Variants in SPSB4 observed in about 807,000 individuals in gnomAD.
The protein encoded by SPSB4 is SPRY domain-containing SOCS box protein 4.
In SPSB4, 21 loss-of-function variants were observed where a neutral mutation model predicts 20.9. The ratio of observed to expected loss-of-function variants is 1.01; its 90% CI spans 0.71 to 1.45. The LOEUF (loss-of-function observed/expected upper bound fraction) is 1.45, where lower values mean the gene tolerates loss of function less well. SPSB4 is among the 40% of genes most tolerant of loss of function. The pLI is 0.00. For synonymous variants in SPSB4, 207 were observed against 183.8 expected (o/e 1.13, Z -1.02); for missense variants, 399 against 399.2 (o/e 1.00, Z 0.00).
intron 2 of SPSB4, among the ~76,000 whole-genome samples, chr3:141,081,438 G>A (rs574096315): frequency 6.6e-6 from 1 of 152,350 alleles, no homozygotes; most frequent in South Asian, 2.1e-4. Context: ...GGTCAGCAGA[G>A]TGGCTCCAGG....
intron 2 of SPSB4, among the ~76,000 whole-genome samples, chr3:141,087,950 G>A (rs961519875): frequency 7.2e-5 from 11 of 152,322 alleles, no homozygotes; most frequent in African/African-American, 2.6e-4. Flanking sequence ...CAGTGAGCAG[G>A]AAAATGGAAG....
chr3:141,081,575 G>T (rs527476473), intron 2 of SPSB4, among the ~76,000 whole-genome samples: 1 of 152,180 alleles, frequency 6.6e-6, no homozygotes, highest in East Asian at 1.9e-4. Flanking sequence ...GGTGGTGGGG[G>T]GTAGCCACTG....
intron 2 of SPSB4, among the ~76,000 whole-genome samples, chr3:141,099,223 C>T (rs960247340): frequency 2.7e-4 from 40 of 146,672 alleles, no homozygotes; most frequent in Admixed American, 8.2e-4. Context: ...TTCGCTCTGT[C>T]GCCCAGGCTG....
intron 1 of SPSB4, among the ~76,000 whole-genome samples, chr3:141,057,490 T>C (rs1937669885): frequency 6.6e-6 from 1 of 152,252 alleles, no homozygotes; most frequent in African/African-American, 2.4e-5. Context: ...ATTGCTTTTC[T>C]TCATTTGTTC....
chr3:141,135,502 C>G (rs1282720656), intron 2 of SPSB4, among the ~76,000 whole-genome samples: 2 of 150,962 alleles, frequency 1.3e-5, no homozygotes, highest in Non-Finnish European at 2.9e-5. Flanking sequence ...CTCCCCCCAC[C>G]CCACACCAGT....
At chr3:141,141,620 G>T (rs1200825590) in intron 2 of SPSB4, among the ~76,000 whole-genome samples, 9 of 152,216 alleles carry the variant, frequency 5.9e-5, no homozygotes, top group Admixed American at 1.3e-4. Context: ...GGAAAGATTA[G>T]TACCAATTCT....
chr3:141,135,840 T>C (rs1576543031), intron 2 of SPSB4, among the ~76,000 whole-genome samples: 1 of 152,192 alleles, frequency 6.6e-6, no homozygotes, highest in African/African-American at 2.4e-5. Flanking sequence ...TGATTTATAA[T>C]CCTTTGGGTA....
intron 1 of SPSB4, among the ~76,000 whole-genome samples, chr3:141,064,770 G>T (rs1937832247): frequency 2.6e-5 from 4 of 152,196 alleles, no homozygotes; most frequent in Admixed American, 2.6e-4. Flanking sequence ...GACAGGGCTT[G>T]GCTCTCCATC....
intron 2 of SPSB4, among the ~76,000 whole-genome samples, chr3:141,138,721 C>A (rs1258565625): frequency 6.6e-6 from 1 of 152,082 alleles, no homozygotes; most frequent in African/African-American, 2.4e-5. Flanking sequence ...AATTTCTGTT[C>A]TTTTACATTT....
Position 141,142,803 on chromosome 3 carries a change from C to CTTTTTTTTT in SPSB4, c.695-4316_695-4308dup, listed in dbSNP as rs57674247. Among the ~76,000 whole-genome samples the CTTTTTTTTT allele has an allele frequency of 6.7e-3, 414 of 62,048 alleles. 54 individuals are homozygous for CTTTTTTTTT. Among genetic ancestry groups the CTTTTTTTTT allele is most frequent in the Middle Eastern group, 0.016 (1 of 64 alleles). The allele number at this position is 62,048 out of a possible 152,430, so 40.7% of individuals were successfully genotyped here. A position where few individuals can be genotyped will look rare whatever the true frequency, so the allele number is the denominator to read the frequency against. Reference sequence around the variant, plus strand: ...ATTATGATATAATGTCCCTCTTTGTCTTTTTTTTTTTTTTTTTTTTTTTTT... The same window carrying CTTTTTTTTT: ...ATTATGATATAATGTCCCTCTTTGTCTTTTTTTTTTTTTTTTTTTTTTTTTTTTTTTTTT... On this transcript the variant is annotated intron_variant, in intron 2 of 2. Transcript: ENST00000310546.
intron 1 of SPSB4, among the ~76,000 whole-genome samples, chr3:141,057,378 A>C (rs957763188): frequency 6.6e-6 from 1 of 152,232 alleles, no homozygotes; most frequent in African/African-American, 2.4e-5. Flanking sequence ...CTTTGCACAG[A>C]GTCAAAAATT....
At chr3:141,094,298 G>C in intron 2 of SPSB4, among the ~76,000 whole-genome samples, 1 of 152,230 alleles carries the variant, frequency 6.6e-6, no homozygotes, top group Admixed American at 6.5e-5. Flanking sequence ...CCGGCTCAGA[G>C]CAGGTGCATG....
At chr3:141,139,403 G>A (rs1345478177) in intron 2 of SPSB4, among the ~76,000 whole-genome samples, 8 of 152,120 alleles carry the variant, frequency 5.3e-5, no homozygotes, top group Non-Finnish European at 7.3e-5. Context: ...TATTTTGCTC[G>A]TTAGTTGATG....
intron 2 of SPSB4, among the ~76,000 whole-genome samples, chr3:141,070,467 G>A (rs1937979494): frequency 6.6e-6 from 1 of 151,898 alleles, no homozygotes; most frequent in Non-Finnish European, 1.5e-5. Context: ...AGTAGCTGGG[G>A]CTACAAGGAT....
Position 141,147,198 on chromosome 3 carries a change from C to T in SPSB4, c.751C>T (p.Arg251Cys), listed in dbSNP as rs200129730. 70 of 1,614,200 alleles carry T rather than the reference C, an allele frequency of 4.3e-5. No homozygotes were observed. The East Asian group carries it at 7.8e-4, about 18-fold the overall frequency. ...CRRSIRSALG[R>C]QRLQDISSLP... ...GAGATCCATCCGCTCGGCCCTGGGC[C>T]GCCAGCGCCTGCAGGACATCAGCTC... The change falls in exon 3 of 3, where the codon CGC becomes TGC. Residue 251 changes from arginine (R) to cysteine (C), a missense_variant. Physicochemically the swap from Arg to Cys is radical, Grantham distance 180. Coordinates refer to ENST00000310546, the MANE Select transcript of SPSB4 (RefSeq NM_080862.3).
At chr3:141,095,488 G>A (rs1482886282) in intron 2 of SPSB4, among the ~76,000 whole-genome samples, 1 of 152,054 alleles carries the variant, frequency 6.6e-6, no homozygotes, top group East Asian at 1.9e-4. Context: ...CTGGGACTTG[G>A]TGTTGTCAAA....
At chr3:141,070,122 G>T (rs1447274665) in intron 2 of SPSB4, among the ~76,000 whole-genome samples, 1 of 152,078 alleles carries the variant, frequency 6.6e-6, no homozygotes, top group African/African-American at 2.4e-5. Flanking sequence ...ACGCACAGGG[G>T]CCCTGCCATC....
intron 2 of SPSB4, among the ~76,000 whole-genome samples, chr3:141,129,509 T>C (rs1043706436): frequency 6.6e-6 from 1 of 152,246 alleles, no homozygotes; most frequent in Admixed American, 6.5e-5. Flanking sequence ...CTGCTTCCTG[T>C]CTTCCTGGAA....
intron 2 of SPSB4, among the ~76,000 whole-genome samples, chr3:141,106,717 G>A (rs1440740426): frequency 6.6e-6 from 1 of 152,184 alleles, no homozygotes; most frequent in Non-Finnish European, 1.5e-5. Flanking sequence ...CATTGGCAGG[G>A]TCTGACGTCT....
Sources: allele counts gnomAD v4.1 joint callset (sites outside exome capture counted in the v4.1 genomes callset), GRCh38; gene constraint gnomAD v4.1.1; transcripts MANE v1.5; gene names NCBI Gene and HGNC (gene_info 2026-07-23, HGNC 2026-07-21).